The following SLC35F3 variants were observed in gnomAD, a reference collection of about 807,000 sequenced individuals.
SLC35F3 encodes the protein putative thiamine transporter SLC35F3.
Under a neutral mutation model 49.9 loss-of-function variants are expected in SLC35F3, and 25 were observed. That is an observed-to-expected ratio of 0.50 (90% confidence interval 0.37 to 0.70). The LOEUF is 0.70. SLC35F3 is among the 30% of genes least tolerant of loss of function. The pLI, the probability that SLC35F3 is intolerant of heterozygous loss-of-function variation, is 0.00. For synonymous variants in SLC35F3, 275 were observed against 265.4 expected (o/e 1.04, Z -0.35); for missense variants, 525 against 639.8 (o/e 0.82, Z 1.94).
At chr1:233,959,857 A>G (rs1011791113) in intron 2 of SLC35F3, among the ~76,000 whole-genome samples, 3 of 152,146 alleles carry the variant, frequency 2.0e-5, no homozygotes, top group African/African-American at 7.2e-5. Flanking sequence ...ATCCACCCCC[A>G]GATATCCTGA....
chr1:233,935,188 C>CTTTTTT (rs1662303353), intron 2 of SLC35F3, among the ~76,000 whole-genome samples: 1 of 28,836 alleles, frequency 3.5e-5, no homozygotes, highest in Non-Finnish European at 7.8e-5. Flanking sequence ...TTTTCCTTGC[C>CTTTTTT]CTTTTTTTTT....
intron 2 of SLC35F3, among the ~76,000 whole-genome samples, chr1:233,921,621 G>T (rs1662060685): frequency 6.6e-6 from 1 of 152,088 alleles, no homozygotes; most frequent in African/African-American, 2.4e-5. Flanking sequence ...TGGAATGTCA[G>T]GTAGTTGAAG....
In SLC35F3 at chr1:234,309,298, G is replaced by A; in HGVS notation, c.806G>A (p.Arg269Lys). ...FVFLLSWIVLRDRFMGVRIVA... is the reference protein window; with the variant it reads ...FVFLLSWIVLKDRFMGVRIVA... ...TTCTTGCTCTCATGGATCGTTCTCA[G>A]GGACAGATTCATGGGAGTGAGGGTA... Residue 269 changes from arginine to lysine, a missense_variant, in exon 4 of 8, where the codon AGG (arginine) becomes AAG (lysine). Physicochemically the swap from Arg to Lys is conservative, Grantham distance 26 (BLOSUM62 2). Around this residue, in one of 4 missense-constraint regions of SLC35F3, gnomAD observed 216 missense variants for 298.1 expected, o/e 0.72. Coordinates refer to ENST00000366618, the MANE Select transcript of SLC35F3 (RefSeq NM_173508.4). 3.1e-6 allele frequency: 5 copies of A among 1,614,206 alleles called. No individual in the cohort carries two copies. Among genetic ancestry groups the A allele is most frequent in the Non-Finnish European group, 2.5e-6 (3 of 1,180,028 alleles).
chr1:234,223,847 G>T (rs534245937), intron 2 of SLC35F3, among the ~76,000 whole-genome samples: 1 of 152,132 alleles, frequency 6.6e-6, no homozygotes. Context: ...TGAAATCAAG[G>T]TGCTGGCAAA....
At chr1:234,057,881 T>C (rs9435549) in intron 2 of SLC35F3, among the ~76,000 whole-genome samples, 1 of 151,808 alleles carries the variant, frequency 6.6e-6, no homozygotes, top group Non-Finnish European at 1.5e-5. Context: ...AATTTTTGTG[T>C]TTTTTAGTAG....
chr1:234,223,843 C>G (rs1240905930), intron 2 of SLC35F3, among the ~76,000 whole-genome samples: 1 of 152,122 alleles, frequency 6.6e-6, no homozygotes, highest in African/African-American at 2.4e-5. Flanking sequence ...AATCTGAAAT[C>G]AAGGTGCTGG....
chr1:233,982,375 T>A (rs1233989877), intron 2 of SLC35F3, among the ~76,000 whole-genome samples: 1 of 152,142 alleles, frequency 6.6e-6, no homozygotes, highest in East Asian at 1.9e-4. Context: ...AAATTTATTT[T>A]TATTTTATTT....
At chr1:234,230,713 C>A (rs917792279) in intron 2 of SLC35F3, among the ~76,000 whole-genome samples, 1 of 152,232 alleles carries the variant, frequency 6.6e-6, no homozygotes, top group Admixed American at 6.5e-5. Context: ...AATGGAGTGT[C>A]TGTGGCCTTT....
At chr1:234,123,576 A>ATTTT (rs71170464) in intron 2 of SLC35F3, among the ~76,000 whole-genome samples, 16,090 of 146,516 alleles carry the variant, frequency 0.11, 2,188 homozygotes, top group East Asian at 0.74. Flanking sequence ...TGCCTGGTTA[A>ATTTT]TTTTTTTTTT....
At chr1:233,932,372 C>G (rs1189657870) in intron 2 of SLC35F3, among the ~76,000 whole-genome samples, 1 of 152,122 alleles carries the variant, frequency 6.6e-6, no homozygotes, top group Non-Finnish European at 1.5e-5. Flanking sequence ...TGGACCCTTG[C>G]AGTTCAAATC....
At chr1:233,923,916 C>T (rs1234116870) in intron 2 of SLC35F3, among the ~76,000 whole-genome samples, 1 of 152,000 alleles carries the variant, frequency 6.6e-6, no homozygotes, top group Non-Finnish European at 1.5e-5. Context: ...TGGTTTTTGT[C>T]GATGGTTCTG....
At chr1:233,938,919 G>A (rs1662377784) in intron 2 of SLC35F3, among the ~76,000 whole-genome samples, 1 of 152,102 alleles carries the variant, frequency 6.6e-6, no homozygotes, top group Admixed American at 6.5e-5. Context: ...AGGAAGATGA[G>A]GACTAAAAAG....
At chr1:233,925,598 T>C (rs559052291) in intron 2 of SLC35F3, among the ~76,000 whole-genome samples, 25 of 152,344 alleles carry the variant, frequency 1.6e-4, no homozygotes, top group African/African-American at 6.0e-4. Flanking sequence ...TTTGCCAGTC[T>C]GTGTCTTTTA....
rs1309415159 is a variant in SLC35F3, at chr1:234,027,731, T to C, written c.283+121973T>C. 6.6e-6 allele frequency among the ~76,000 whole-genome samples: 1 copy of C among 152,208 alleles called. No individual in the cohort carries two copies. On this transcript the variant is annotated intron_variant, in intron 2 of 7. Transcript: ENST00000366618. The surrounding 1 kb of genome is among the most constrained non-coding windows in gnomAD (Gnocchi z 4.1). ...AGGGTAATTTTGTTTGTTTATTCCC[T>C]GTATTCCTTCATTTAGTAAAAATTC...
At chr1:234,128,223 C>G (rs1196969133) in intron 2 of SLC35F3, among the ~76,000 whole-genome samples, 3 of 151,692 alleles carry the variant, frequency 2.0e-5, no homozygotes, top group Non-Finnish European at 4.4e-5. Flanking sequence ...TTCCAGAGAG[C>G]TAGTGTGTCT....
chr1:234,050,838 T>C (rs1470813484), intron 2 of SLC35F3, among the ~76,000 whole-genome samples: 1 of 152,192 alleles, frequency 6.6e-6, no homozygotes, highest in African/African-American at 2.4e-5. Flanking sequence ...AGGAATCCAG[T>C]TTCAGCTTTC....
chr1:233,985,058 G>A lies in SLC35F3; in HGVS notation c.283+79300G>A, dbSNP rs531325386. ...GGGGTCCCTGCTCCATCTCCAAGGT[G>A]TAAAATGTCATATAAAAGGCTGGTA... On this transcript the variant is annotated intron_variant, in intron 2 of 7. Coordinates refer to ENST00000366618, the MANE Select transcript of SLC35F3 (RefSeq NM_173508.4). Among the ~76,000 whole-genome samples, 444 of 152,284 alleles carry A rather than the reference G, an allele frequency of 2.9e-3. 3 individuals carry two copies. The highest frequency in any genetic ancestry group is 0.01 in the African/African-American group (429 of 41,558).
At chr1:234,202,169 CAT>C (rs1287253564) in intron 2 of SLC35F3, among the ~76,000 whole-genome samples, 8 of 152,312 alleles carry the variant, frequency 5.3e-5, no homozygotes, top group African/African-American at 1.9e-4. Flanking sequence ...CCAAACACCA[CAT>C]GTTTCACTTA....
chr1:233,914,984 AC>A (rs2102784349), intron 2 of SLC35F3, among the ~76,000 whole-genome samples: 1 of 152,306 alleles, frequency 6.6e-6, no homozygotes, highest in Non-Finnish European at 1.5e-5. Context: ...TTAATTTATG[AC>A]AGCATTTGAG....
Sources: allele counts gnomAD v4.1 joint callset (sites outside exome capture counted in the v4.1 genomes callset), GRCh38; gene constraint gnomAD v4.1.1; regional missense constraint gnomAD v4.1.1; non-coding constraint Gnocchi (gnomAD v3.1); transcripts MANE v1.5; gene names NCBI Gene and HGNC (gene_info 2026-07-23, HGNC 2026-07-21).